WDFY4: variants seen among roughly 807,000 people sequenced by gnomAD.
WDFY4 encodes the protein WDFY family member 4.
Under a neutral mutation model 351.9 loss-of-function variants are expected in WDFY4, and 169 were observed. The ratio of observed to expected loss-of-function variants is 0.48; its 90% CI spans 0.42 to 0.55. WDFY4 has a LOEUF of 0.55. Among genes scored for constraint, WDFY4 ranks in the 20% least tolerant of loss-of-function variants. The pLI is 0.00. For synonymous variants in WDFY4, 1,622 were observed against 1,574.6 expected, an observed-to-expected ratio of 1.03 and a Z score of -0.71; for missense variants, 3,803 against 3,935.6, an observed-to-expected ratio of 0.97 and a Z score of 0.90.
chr10:48,733,137 A>G (rs73308020), intron 9 of WDFY4, among the ~76,000 whole-genome samples: 4,199 of 152,306 alleles, frequency 0.028, 198 homozygotes, highest in African/African-American at 0.096. Flanking sequence ...GCAGCCTAAC[A>G]TTGAATTTGC....
At chr10:48,925,903 C>G (rs994540207) in intron 47 of WDFY4, among the ~76,000 whole-genome samples, 29 of 152,274 alleles carry the variant, frequency 1.9e-4, no homozygotes, top group Admixed American at 1.9e-3. Context: ...TCCAGAGAAA[C>G]TAAGCAAAAT....
Position 48,963,960 on chromosome 10 carries a change from A to G in WDFY4, c.8342A>G (p.Tyr2781Cys), listed in dbSNP as rs1564533754. The change falls in exon 54 of 62, where the codon TAC (tyrosine) becomes TGC (cysteine). Residue 2781 changes from tyrosine to cysteine, a missense_variant. Coordinates refer to ENST00000325239, the MANE Select transcript of WDFY4 (RefSeq NM_001394531.1). Reference protein sequence around the residue: ...DAVNIFHPYFYGDRMDLSSIT... With the variant: ...DAVNIFHPYFCGDRMDLSSIT... ...GTTAATATCTTCCACCCCTACTTCTACGGTGACAGAATGGACCTCAGCAGC... is the reference window on the plus strand; with the variant it reads ...GTTAATATCTTCCACCCCTACTTCTGCGGTGACAGAATGGACCTCAGCAGC... 6.4e-7 allele frequency: 1 copy of G among 1,551,074 alleles called. No individual in the cohort carries two copies. The highest frequency in any genetic ancestry group is 2.4e-5 in the East Asian group (1 of 40,918).
chr10:48,982,167 A>T (rs1842837799), intron 61 of WDFY4, among the ~76,000 whole-genome samples: 1 of 152,052 alleles, frequency 6.6e-6, no homozygotes, highest in African/African-American at 2.4e-5. Context: ...TTTTGCAGAG[A>T]ACTTGCCATT....
chr10:48,894,018 G>A (rs1379041386), intron 44 of WDFY4, among the ~76,000 whole-genome samples: 1 of 152,190 alleles, frequency 6.6e-6, no homozygotes, highest in Admixed American at 6.5e-5. Flanking sequence ...TGTAGAACAT[G>A]TAGGGTGTAG....
chr10:48,879,557 A>T (rs1280535476), intron 43 of WDFY4, among the ~76,000 whole-genome samples: 1 of 152,194 alleles, frequency 6.6e-6, no homozygotes, highest in Non-Finnish European at 1.5e-5. Flanking sequence ...CGCAATGCAC[A>T]TTTATTATCT....
At chr10:48,884,555 C>CACACATACATGTGTGCAT (rs1203474152) in intron 43 of WDFY4, among the ~76,000 whole-genome samples, 5 of 116,838 alleles carry the variant, frequency 4.3e-5, no homozygotes, top group Non-Finnish European at 9.6e-5. Flanking sequence ...CACACATGCA[C>CACACATACATGTGTGCAT]ACACACATGC....
chr10:48,796,663 C>G (rs1356239670), intron 24 of WDFY4, among the ~76,000 whole-genome samples: 3 of 152,208 alleles, frequency 2.0e-5, no homozygotes, highest in African/African-American at 7.2e-5. Context: ...CTTGACCTCT[C>G]TGAGCCCCAC....
At chr10:48,723,778 C>G (rs1389467233) in intron 5 of WDFY4, among the ~76,000 whole-genome samples, 3 of 152,060 alleles carry the variant, frequency 2.0e-5, no homozygotes, top group African/African-American at 7.2e-5. Context: ...TAAATATAAG[C>G]TTTGTACCCA....
intron 2 of WDFY4, among the ~76,000 whole-genome samples, chr10:48,714,059 C>A (rs1031291078): frequency 6.6e-6 from 1 of 152,184 alleles, no homozygotes; most frequent in Non-Finnish European, 1.5e-5. Flanking sequence ...CTCACAATAA[C>A]GCTGTGATGT....
At chr10:48,818,434 A>C (rs934955662) in intron 32 of WDFY4, among the ~76,000 whole-genome samples, 4 of 152,072 alleles carry the variant, frequency 2.6e-5, no homozygotes, top group Admixed American at 2.6e-4. Flanking sequence ...GCTTTAGAAA[A>C]CCTGAATTGC....
chr10:48,821,150 G>C lies in WDFY4; in HGVS notation c.5798G>C (p.Ser1933Thr), dbSNP rs759643695. Residue 1933 changes from serine to threonine, a missense_variant, in exon 34 of 62, where the codon AGT becomes ACT. Around this residue, in one of 3 missense-constraint regions of WDFY4, gnomAD observed 3,054 missense variants for 3,148.6 expected, o/e 0.97. Transcript: ENST00000325239. ...LSAMELFHMT[S>T]GGDAAMFRDG... ...GCTATGGAACTATTCCACATGACAA[G>C]TGGAGGTGATGCAGCGATGTTCAGA... The C allele has an allele frequency of 4.1e-4, 639 of 1,551,554 alleles. No homozygotes were observed. Among genetic ancestry groups the C allele is most frequent in the Non-Finnish European group, 5.2e-4 (598 of 1,146,934 alleles).
At chr10:48,867,710 G>C (rs940789872) in intron 40 of WDFY4, among the ~76,000 whole-genome samples, 4 of 152,216 alleles carry the variant, frequency 2.6e-5, no homozygotes, top group Admixed American at 2.6e-4. Flanking sequence ...CAAGTGTGAA[G>C]CACCCAGACT....
Position 48,789,779 on chromosome 10 carries a change from G to A in WDFY4, c.3955-95G>A, listed in dbSNP as rs1413837032. ...ATTGCTGATGGAGTGTCAGCACTGG[G>A]CCAGGCCCCAGAGGGCCTGCCCTCC... On this transcript the variant is annotated intron_variant, in intron 21 of 61. Coordinates refer to ENST00000325239, the MANE Select transcript of WDFY4 (RefSeq NM_001394531.1). 4.3e-6 allele frequency: 5 copies of A among 1,153,560 alleles called. No individual in the cohort carries two copies. The African/African-American group carries it at 4.6e-5, about 11-fold the overall frequency. 71.5% of individuals were successfully genotyped at this position (1,153,560 alleles called of 1,614,324 possible). A position where few individuals can be genotyped will look rare whatever the true frequency, so the allele number is the denominator to read the frequency against.
chr10:48,780,994 C>T (rs182727974), intron 19 of WDFY4, among the ~76,000 whole-genome samples: 7,746 of 152,140 alleles, frequency 0.051, 290 homozygotes, highest in Middle Eastern at 0.16. Flanking sequence ...TTTCTGGATT[C>T]CCCCTAAATG....
chr10:48,855,338 T>C (rs999020605), intron 39 of WDFY4, among the ~76,000 whole-genome samples: 1 of 152,172 alleles, frequency 6.6e-6, no homozygotes, highest in Admixed American at 6.5e-5. Context: ...TCCCCCAAAG[T>C]AGTCCCTCTT....
At chr10:48,966,884 AC>A in intron 55 of WDFY4, 1 of 602,746 alleles carries the variant, frequency 1.7e-6, no homozygotes, top group Non-Finnish European at 2.8e-6. Flanking sequence ...ACTTCTGAAG[AC>A]CCACGTCTCT....
In WDFY4 at chr10:48,778,724, C is replaced by A; in HGVS notation, c.3289C>A (p.Arg1097Ser). ...CCCGCTGCGCTTCCTGACGTTGGTG[C>A]GCCACCTGGCCAGGACTGAGCAACC... Reference protein sequence around the residue: ...GHPLRFLTLVRHLARTEQPFV... With the variant: ...GHPLRFLTLVSHLARTEQPFV... The change falls in exon 18 of 62, where the codon CGC (arginine) becomes AGC (serine). Residue 1097 changes from arginine to serine, a missense_variant. Physicochemically the swap from Arg to Ser is moderately radical, Grantham distance 110 (BLOSUM62 -1). This residue lies in a region of WDFY4 where 3,054 missense variants were observed against 3,148.6 expected (regional missense o/e 0.97). Transcript: ENST00000325239. The A allele has an allele frequency of 6.4e-7, 1 of 1,551,634 alleles. No homozygotes were observed. Among genetic ancestry groups the A allele is most frequent in the South Asian group, 1.2e-5 (1 of 84,058 alleles).
chr10:48,842,325 A>G (rs971602523), intron 39 of WDFY4, among the ~76,000 whole-genome samples: 4 of 151,954 alleles, frequency 2.6e-5, no homozygotes, highest in African/African-American at 9.7e-5. Context: ...ATCATTGCAC[A>G]GCAGCTGGTG....
chr10:48,776,893 A>G lies in WDFY4; in HGVS notation c.3007A>G (p.Ile1003Val), dbSNP rs1286608512. 17 of 1,551,990 alleles carry G rather than the reference A, an allele frequency of 1.1e-5. No homozygotes were observed. In the East Asian group the frequency reaches 3.2e-4, roughly 29 times the overall value. ...TTALQTALSLISMTSPRNLQP... is the reference protein window; with the variant it reads ...TTALQTALSLVSMTSPRNLQP... ...TGCTCTTCAGACGGCGCTGAGCCTC[A>G]TCTCCATGACCTCCCCACGCAACCT... The change falls in exon 16 of 62, where the codon ATC becomes GTC. Residue 1003 changes from isoleucine (I) to valine (V), a missense_variant. By Grantham distance (29) the Ile-to-Val change is conservative. This residue lies in a region of WDFY4 where 3,054 missense variants were observed against 3,148.6 expected (regional missense o/e 0.97). Coordinates refer to ENST00000325239, the MANE Select transcript of WDFY4 (RefSeq NM_001394531.1).
Sources: allele counts gnomAD v4.1 joint callset (sites outside exome capture counted in the v4.1 genomes callset), GRCh38; gene constraint gnomAD v4.1.1; regional missense constraint gnomAD v4.1.1; transcripts MANE v1.5; gene names NCBI Gene and HGNC (gene_info 2026-07-23, HGNC 2026-07-21).